OR6N1: variants seen among roughly 807,000 people sequenced by gnomAD.
OR6N1 encodes olfactory receptor family 6 subfamily N member 1, also known as olfactory receptor 6N1.
For missense variants in OR6N1, 394 were observed against 371.7 expected, an observed-to-expected ratio of 1.06 and a Z score of -0.49; for synonymous variants, 170 against 150.7, an observed-to-expected ratio of 1.13 and a Z score of -0.94.
At chr1:158,791,533 G>A in the OR6N1 span, among the ~76,000 whole-genome samples, 1 of 149,098 alleles carries the variant, frequency 6.7e-6, no homozygotes, top group East Asian at 2.0e-4. Flanking sequence ...GCAGTGGCGC[G>A]ATCTCAGCTC....
the OR6N1 span, among the ~76,000 whole-genome samples, chr1:158,817,332 CT>C: frequency 1.3e-5 from 2 of 152,204 alleles, no homozygotes; most frequent in Admixed American, 1.3e-4. Context: ...GTCACGTTAC[CT>C]CCTTGGCCCT....
At chr1:158,776,666 G>A (rs769450171), upstream of OR6N1, 2 of 1,468,828 alleles carry the variant, frequency 1.4e-6, no homozygotes, top group Admixed American at 3.6e-5. Context: ...AGGTGAGAAA[G>A]GACATGGGAA....
the OR6N1 span, among the ~76,000 whole-genome samples, chr1:158,809,631 A>C: frequency 6.6e-6 from 1 of 152,112 alleles, no homozygotes; most frequent in Non-Finnish European, 1.5e-5. Context: ...CCATCCAATA[A>C]CAGGAGAGCT....
the OR6N1 span, among the ~76,000 whole-genome samples, chr1:158,801,427 A>G: frequency 1.3e-5 from 2 of 152,176 alleles, no homozygotes; most frequent in Non-Finnish European, 2.9e-5. Context: ...GACAAAGTAC[A>G]TTTTAAAGAA....
At chr1:158,776,723 T>C (rs140258151), upstream of OR6N1, 26 of 1,612,346 alleles carry the variant, frequency 1.6e-5, no homozygotes, top group Non-Finnish European at 2.0e-5. Flanking sequence ...TTCTGGAAGA[T>C]GGTCCTCTTG....
chr1:158,774,012 T>C (rs541303990), upstream of OR6N1, among the ~76,000 whole-genome samples: 23 of 152,348 alleles, frequency 1.5e-4, no homozygotes, highest in African/African-American at 5.5e-4. Flanking sequence ...TCCAAGCTAT[T>C]GGTTCCACAG....
At chr1:158,799,004 C>T in the OR6N1 span, among the ~76,000 whole-genome samples, 139 of 152,222 alleles carry the variant, frequency 9.1e-4, 1 homozygote, top group Non-Finnish European at 1.6e-3. Flanking sequence ...TTGGAGTAGA[C>T]GGCTGGTTCT....
the OR6N1 span, among the ~76,000 whole-genome samples, chr1:158,778,610 T>C: frequency 2.5e-3 from 377 of 152,230 alleles, 1 homozygote; most frequent in African/African-American, 8.7e-3. Context: ...TTTTAAAACA[T>C]AAGTAAAATT....
At chr1:158,839,164 T>C in the OR6N1 span, among the ~76,000 whole-genome samples, 1 of 152,110 alleles carries the variant, frequency 6.6e-6, no homozygotes, top group East Asian at 1.9e-4. Context: ...TGTTGAAAAC[T>C]GGACATTTGT....
the OR6N1 span, among the ~76,000 whole-genome samples, chr1:158,831,098 A>G: frequency 7.9e-5 from 12 of 152,204 alleles, no homozygotes; most frequent in Non-Finnish European, 1.5e-4. Context: ...ACCGGTTTCT[A>G]ATGACCTATA....
chr1:158,828,790 T>G, the OR6N1 span, among the ~76,000 whole-genome samples: 1 of 152,216 alleles, frequency 6.6e-6, no homozygotes. Flanking sequence ...GCAGAGGTTC[T>G]CCATTAGGAC....
chr1:158,804,090 T>C, the OR6N1 span, among the ~76,000 whole-genome samples: 1 of 152,164 alleles, frequency 6.6e-6, no homozygotes, highest in African/African-American at 2.4e-5. Context: ...GGGACAGGTT[T>C]TATAGGCAGA....
At chr1:158,794,088 AG>A in the OR6N1 span, among the ~76,000 whole-genome samples, 4 of 152,186 alleles carry the variant, frequency 2.6e-5, no homozygotes, top group East Asian at 5.8e-4. Context: ...CTGAACCTGG[AG>A]GGCACTCCTC....
chr1:158,833,202 C>A, the OR6N1 span, among the ~76,000 whole-genome samples: 1 of 152,158 alleles, frequency 6.6e-6, no homozygotes. Flanking sequence ...CTTTTGGCCT[C>A]CAACATTTCT....
chr1:158,803,883 G>A, the OR6N1 span, among the ~76,000 whole-genome samples: 10 of 152,136 alleles, frequency 6.6e-5, no homozygotes, highest in Non-Finnish European at 1.3e-4. Flanking sequence ...TGCTTACTTG[G>A]CATTTATTCT....
the OR6N1 span, among the ~76,000 whole-genome samples, chr1:158,798,226 A>G: frequency 1.3e-5 from 2 of 151,258 alleles, no homozygotes; most frequent in Admixed American, 6.6e-5. Context: ...CATTTTTGTC[A>G]TATATTTATT....
chr1:158,831,640 G>A, the OR6N1 span: 1 of 152,178 alleles, frequency 6.6e-6, no homozygotes, highest in Non-Finnish European at 1.5e-5. Context: ...ATAATTGCCT[G>A]AGACCAGAAG....
chr1:158,765,941 C>A lies in OR6N1; in HGVS notation c.742G>T (p.Val248Phe), dbSNP rs1251578373. 1 of 1,614,132 alleles carries A rather than the reference C, an allele frequency of 6.2e-7. No individual in the cohort carries two copies. Among genetic ancestry groups the A allele is most frequent in the Non-Finnish European group, 8.5e-7 (1 of 1,179,988 alleles). The change falls in exon 2 of 2, where the codon GTT (valine) becomes TTT (phenylalanine). Residue 248 changes from valine (V) to phenylalanine (F), a missense_variant. Transcript: ENST00000641846. Reference protein sequence around the residue: ...ISTCASHFTVVLIFYGSILSM... With the variant: ...ISTCASHFTVFLIFYGSILSM... ...AGGATGCTCCCATAGAAGATGAGAA[C>A]CACAGTGAAGTGGGAGGCACACGTG... is the stretch of plus-strand genomic sequence containing the variant.
At chr1:158,801,965 T>C in the OR6N1 span, among the ~76,000 whole-genome samples, 1 of 152,292 alleles carries the variant, frequency 6.6e-6, no homozygotes, top group South Asian at 2.1e-4. Flanking sequence ...TTATATTTCA[T>C]GTTCCTGGAA....
Sources: gnomAD v4.1 joint callset for allele counts (sites outside exome capture counted in the v4.1 genomes callset) on GRCh38, gnomAD v4.1.1 for gene constraint, MANE v1.5 for transcripts, NCBI Gene and HGNC (gene_info 2026-07-23, HGNC 2026-07-21) for gene names.